Variants in DHCR7 observed in about 807,000 individuals in gnomAD.
DHCR7 encodes 7-dehydrocholesterol reductase.
Under a neutral mutation model 43.3 loss-of-function variants are expected in DHCR7, and 40 were observed. The observed-to-expected ratio is 0.92, with a 90% confidence interval of 0.72 to 1.20. DHCR7 has a LOEUF of 1.20. Ranked by LOEUF, DHCR7 falls within the 50% of genes most tolerant of loss-of-function variation. The pLI is 0.00. For synonymous variants in DHCR7, 298 were observed against 271.4 expected, an observed-to-expected ratio of 1.10 and a Z score of -0.96; for missense variants, 608 against 644.6, an observed-to-expected ratio of 0.94 and a Z score of 0.62.
chr11:71,439,498 G>A (rs1223647457), intron 6 of DHCR7, among the ~76,000 whole-genome samples: 1 of 152,244 alleles, frequency 6.6e-6, no homozygotes, highest in Non-Finnish European at 1.5e-5. Context: ...CACACGGTTT[G>A]AAGCCGACGC....
In DHCR7 at chr11:71,442,300, G is replaced by A. The variant is rs779401555; in HGVS notation, c.375C>T (p.Tyr125=). 1.7e-5 allele frequency: 28 copies of A among 1,613,780 alleles called. No individual in the cohort carries two copies. Among genetic ancestry groups the A allele is most frequent in the Middle Eastern group, 3.3e-4 (2 of 6,084 alleles). ...PDFCHKFLPG[Y]VGGIQEGAVT... is the part of the protein sequence containing the mutation. ...CGGCCCCCTCCTGGATGCCTCCTAC[G>A]TAGCCGGGTAGAAACTTATGGCAGA... Residue 125 remains tyrosine (Y), a synonymous_variant, in exon 5 of 9, where the codon TAC becomes TAT. Transcript: ENST00000355527.
upstream of DHCR7, chr11:71,448,397 G>T (rs1949428461): frequency 6.6e-6 from 1 of 152,406 alleles, no homozygotes; most frequent in Admixed American, 6.5e-5. Context: ...CACCCGCAGG[G>T]CAGGGGCGCC....
rs373352413 is a variant in DHCR7 at position 71,444,082 on chromosome 11, C to T, written c.232G>A (p.Gly78Arg). 39 of 1,613,514 alleles carry T rather than the reference C, an allele frequency of 2.4e-5. No individual in the cohort carries two copies. The highest frequency in any genetic ancestry group is 1.1e-4 in the South Asian group (10 of 90,918). ...CAGATGTCCGAGAGCCGAGCATGTC[C>T]GGTGACGATGTCCACCACAGGGCCA... ...LTGPVVDIVT[G>R]HARLSDIWAK... is the part of the protein sequence containing the mutation. Residue 78 changes from glycine to arginine, a missense_variant, in exon 4 of 9, where the codon GGA (glycine) becomes AGA (arginine). By Grantham distance (125) the Gly-to-Arg change is moderately radical. Coordinates refer to ENST00000355527, the MANE Select transcript of DHCR7 (RefSeq NM_001360.3).
downstream of DHCR7, among the ~76,000 whole-genome samples, chr11:71,433,319 C>G (rs1320060893): frequency 1.3e-5 from 2 of 152,220 alleles, no homozygotes; most frequent in Non-Finnish European, 2.9e-5. Context: ...GAAGCTGGCT[C>G]CATCTGGGGA....
intron 8 of DHCR7, among the ~76,000 whole-genome samples, chr11:71,436,619 C>T (rs1318740605): frequency 7.3e-5 from 11 of 151,544 alleles, no homozygotes; most frequent in African/African-American, 2.7e-4. Flanking sequence ...GCCAAGATCA[C>T]ACCACTGCAC....
chr11:71,428,163 C>T (rs985894703), downstream of DHCR7: 1 of 152,116 alleles, frequency 6.6e-6, no homozygotes. Context: ...TATGTCTTTT[C>T]AAATCTTTTT....
rs1478766814 is a variant in DHCR7, at chr11:71,434,875, G to A, written c.*500C>T. 3 of 351,580 alleles carry A rather than the reference G, an allele frequency of 8.5e-6. No homozygotes were observed. Among genetic ancestry groups the A allele is most frequent in the African/African-American group, 2.1e-5 (1 of 46,612 alleles). 21.8% of individuals were successfully genotyped at this position (351,580 alleles called of 1,614,324 possible). A position where few individuals can be genotyped will look rare whatever the true frequency, so the allele number is the denominator to read the frequency against. Reference sequence around the variant, plus strand: ...ACCGTGCACGCTACCAAGGAGAAACGGCGCACGGGCCCCACCCACGACTGC... The same window carrying A: ...ACCGTGCACGCTACCAAGGAGAAACAGCGCACGGGCCCCACCCACGACTGC... On this transcript the variant is annotated 3_prime_UTR_variant, in exon 9 of 9. Transcript: ENST00000355527.
chr11:71,448,737 C>G (rs1020047438), upstream of DHCR7: 2 of 152,318 alleles, frequency 1.3e-5, no homozygotes, highest in African/African-American at 4.8e-5. Context: ...CTCAGTTTCC[C>G]CCTCGGCAAA....
In DHCR7 at chr11:71,437,843, C is replaced by T. The variant is rs1949302190; in HGVS notation, c.932G>A (p.Cys311Tyr). Residue 311 changes from cysteine to tyrosine, a missense_variant, in exon 8 of 9, where the codon TGT (cysteine) becomes TAT (tyrosine). By Grantham distance (194) the Cys-to-Tyr change is radical (BLOSUM62 -2). Transcript: ENST00000355527. ...HFGWYLGWGD[C>Y]VWLPYLYTLQ... ...CGTGTAAAGATAAGGCAGCCAGACA[C>T]AGTCGCCCCAGCCCAGGTACCACCC... 5 of 1,614,032 alleles carry T rather than the reference C, an allele frequency of 3.1e-6. No individual in the cohort carries two copies. Among genetic ancestry groups the T allele is most frequent in the Non-Finnish European group, 4.2e-6 (5 of 1,180,012 alleles).
At position 71,437,957 on chromosome 11, in the gene DHCR7, G is replaced by A; in HGVS notation, c.832-14C>T. The A allele has an allele frequency of 2.5e-6, 4 of 1,611,610 alleles. No individual in the cohort carries two copies. The highest frequency in any genetic ancestry group is 3.3e-4 in the Middle Eastern group (2 of 6,062). On this transcript the variant is annotated splice_polypyrimidine_tract_variant and intron_variant, in intron 7 of 8. Coordinates refer to ENST00000355527, the MANE Select transcript of DHCR7 (RefSeq NM_001360.3). ...CACGTAGATGGCCTGCAAGACAGAA[G>A]CAGCCGCTGACCACCCCCGGCCCTC... is the stretch of plus-strand genomic sequence containing the variant.
chr11:71,438,026 T>C, intron 7 of DHCR7, 83 bp from the exon 8 acceptor site: 1 of 1,529,812 alleles, frequency 6.5e-7, no homozygotes, highest in Non-Finnish European at 9.0e-7. Flanking sequence ...TCCACGCAGA[T>C]GCAGCAGGGG....
chr11:71,447,212 C>T (rs1460793207), intron 2 of DHCR7, among the ~76,000 whole-genome samples: 2 of 152,172 alleles, frequency 1.3e-5, no homozygotes, highest in East Asian at 3.8e-4. Flanking sequence ...ATGCCTGGTA[C>T]CAACATTATC....
At chr11:71,434,113 T>C (rs1949245308), downstream of DHCR7, among the ~76,000 whole-genome samples, 2 of 152,246 alleles carry the variant, frequency 1.3e-5, no homozygotes, top group African/African-American at 4.8e-5. Context: ...TCTTTCTGGC[T>C]TCTCCATTCA....
intron 3 of DHCR7, among the ~76,000 whole-genome samples, chr11:71,444,545 C>A (rs1210846701): frequency 6.6e-6 from 1 of 152,190 alleles, no homozygotes; most frequent in Non-Finnish European, 1.5e-5. Context: ...TGCACGAAGT[C>A]CCCATGGTTC....
At chr11:71,437,661 C>A in intron 8 of DHCR7, 151 bp downstream of exon 8, 1 of 1,159,598 alleles carries the variant, frequency 8.6e-7, no homozygotes, top group African/African-American at 1.5e-5. Flanking sequence ...CTGGCCCAAG[C>A]TGGCTGAGCT....
intron 6 of DHCR7, among the ~76,000 whole-genome samples, chr11:71,439,615 T>C (rs1389372142): frequency 2.0e-5 from 3 of 152,200 alleles, no homozygotes; most frequent in Admixed American, 6.5e-5. Context: ...ACAAGTTCTT[T>C]GACCAGTTAC....
intron 4 of DHCR7, among the ~76,000 whole-genome samples, chr11:71,442,707 A>C (rs534072582): frequency 6.6e-6 from 1 of 152,248 alleles, no homozygotes; most frequent in African/African-American, 2.4e-5. Flanking sequence ...CCCAGGCTGG[A>C]GTGTAGTGGT....
rs747532529 is a variant in DHCR7 at position 71,435,355 on chromosome 11, C to A, written c.*20G>T. 1 of 1,609,754 alleles carries A rather than the reference C, an allele frequency of 6.2e-7. No homozygotes were observed. Among genetic ancestry groups the A allele is most frequent in the Non-Finnish European group, 8.5e-7 (1 of 1,179,534 alleles). On this transcript the variant is annotated 3_prime_UTR_variant, in exon 9 of 9. Coordinates refer to ENST00000355527, the MANE Select transcript of DHCR7 (RefSeq NM_001360.3). ...ACACGCTCTTGACAGCCCCACAGGG[C>A]TTCTCCCTAGGGCGTGCCCTTAGAA...
At chr11:71,441,680 T>C (rs1209629713) in intron 5 of DHCR7, among the ~76,000 whole-genome samples, 2 of 152,164 alleles carry the variant, frequency 1.3e-5, no homozygotes, top group Non-Finnish European at 2.9e-5. Flanking sequence ...TCTCGTTAAC[T>C]GGCCATAGGC....
Sources: allele counts gnomAD v4.1 joint callset (sites outside exome capture counted in the v4.1 genomes callset), GRCh38; gene constraint gnomAD v4.1.1; transcripts MANE v1.5; gene names NCBI Gene and HGNC (gene_info 2026-07-23, HGNC 2026-07-21).